Variants in CSMD3 observed in about 807,000 individuals in gnomAD.
The protein encoded by CSMD3 is CUB and sushi domain-containing protein 3.
In CSMD3, 177 loss-of-function variants were observed where a neutral mutation model predicts 435.2. The ratio of observed to expected loss-of-function variants is 0.41; its 90% CI spans 0.36 to 0.46. The LOEUF (loss-of-function observed/expected upper bound fraction) is 0.46. CSMD3 is among the 20% of genes least tolerant of loss of function. CSMD3 has a pLI of 0.34. For synonymous variants in CSMD3, 1,656 were observed against 1,520.5 expected (o/e 1.09, Z -2.07); for missense variants, 4,265 against 4,504.6 (o/e 0.95, Z 1.52).
chr8:112,342,721 T>C (rs2131000577), intron 41 of CSMD3, among the ~76,000 whole-genome samples: 1 of 151,998 alleles, frequency 6.6e-6, no homozygotes, highest in South Asian at 2.1e-4. Context: ...ATCATGTTAC[T>C]AAATGATTTT....
rs533024851 is a variant in CSMD3, at chr8:112,307,530, G to A, written c.7886-1338C>T. 2.6e-5 allele frequency among the ~76,000 whole-genome samples: 4 copies of A among 152,116 alleles called. 1 individual carries two copies. Among genetic ancestry groups the A allele is most frequent in the Admixed American group, 2.0e-4 (3 of 15,270 alleles). Reference sequence around the variant, plus strand: ...ACTCCTAGGCTCAAGCAGTCCAGTGGCCTCTACCTTCCAAAGTACTGGGAT... The same window carrying A: ...ACTCCTAGGCTCAAGCAGTCCAGTGACCTCTACCTTCCAAAGTACTGGGAT... On this transcript the variant is annotated intron_variant, in intron 50 of 70. Coordinates refer to ENST00000297405, the MANE Select transcript of CSMD3 (RefSeq NM_198123.2).
At chr8:112,624,740 G>A (rs745916696) in intron 22 of CSMD3, among the ~76,000 whole-genome samples, 2 of 151,958 alleles carry the variant, frequency 1.3e-5, no homozygotes, top group Non-Finnish European at 2.9e-5. Context: ...ACTCAATAGT[G>A]TTATTTCACT....
chr8:112,328,919 G>T (rs1586783764), intron 45 of CSMD3, among the ~76,000 whole-genome samples: 1 of 152,210 alleles, frequency 6.6e-6, no homozygotes, highest in African/African-American at 2.4e-5. Context: ...CAAGTCTTGG[G>T]CAGTTCTTTA....
intron 4 of CSMD3, among the ~76,000 whole-genome samples, chr8:113,129,844 G>A (rs1588126156): frequency 6.6e-6 from 1 of 151,976 alleles, no homozygotes; most frequent in East Asian, 1.9e-4. Context: ...CTGGAATCTG[G>A]TACCAGGCCA....
At chr8:112,237,490 A>G (rs889778444) in intron 66 of CSMD3, 142 bp from the exon 67 acceptor site, 6 of 688,058 alleles carry the variant, frequency 8.7e-6, no homozygotes, top group Non-Finnish European at 1.5e-5. Flanking sequence ...TTAATTCTTC[A>G]TATAAAAATG....
At chr8:113,281,278 C>A (rs2093611229) in intron 2 of CSMD3, among the ~76,000 whole-genome samples, 1 of 151,750 alleles carries the variant, frequency 6.6e-6, no homozygotes, top group South Asian at 2.1e-4. Flanking sequence ...TGAAGTCCCC[C>A]ACTATTATTT....
At chr8:113,350,043 G>C in intron 1 of CSMD3, among the ~76,000 whole-genome samples, 1 of 151,880 alleles carries the variant, frequency 6.6e-6, no homozygotes. Flanking sequence ...CTAACTACTT[G>C]GTACAGAAAG....
At chr8:113,434,117 C>G (rs1380850253) in intron 1 of CSMD3, among the ~76,000 whole-genome samples, 1 of 152,200 alleles carries the variant, frequency 6.6e-6, no homozygotes, top group Non-Finnish European at 1.5e-5. Flanking sequence ...TCCCACTAAG[C>G]CTCTTTGTCA....
In CSMD3 at chr8:112,734,808, T is replaced by C. The variant is rs567232504; in HGVS notation, c.1973-44758A>G. On this transcript the variant is annotated intron_variant, in intron 13 of 70. Coordinates refer to ENST00000297405, the MANE Select transcript of CSMD3 (RefSeq NM_198123.2). Reference sequence around the variant, plus strand: ...CTATATAAGAATAGGTGTCAAGTGATATGAAATTTCTGAAGATATATTTGC... The same window carrying C: ...CTATATAAGAATAGGTGTCAAGTGACATGAAATTTCTGAAGATATATTTGC... Among the ~76,000 whole-genome samples the C allele has an allele frequency of 1.1e-4, 16 of 152,150 alleles. No individual in the cohort carries two copies. In the South Asian group the frequency reaches 2.7e-3, roughly 26 times the overall value.
chr8:113,229,279 C>G (rs1024902745), intron 3 of CSMD3, among the ~76,000 whole-genome samples: 1 of 151,442 alleles, frequency 6.6e-6, no homozygotes. Context: ...TTGTTTATAA[C>G]GAACATTTTG....
At chr8:112,701,015 T>C (rs748633380) in intron 13 of CSMD3, among the ~76,000 whole-genome samples, 38 of 152,174 alleles carry the variant, frequency 2.5e-4, no homozygotes, top group Non-Finnish European at 4.0e-4. Flanking sequence ...CTCAGTAACA[T>C]ACCACCTTAT....
chr8:112,378,821 T>A (rs1415068339), intron 38 of CSMD3, among the ~76,000 whole-genome samples: 2 of 152,114 alleles, frequency 1.3e-5, no homozygotes, highest in Non-Finnish European at 2.9e-5. Flanking sequence ...CCAACATAAA[T>A]AAATGATAAA....
chr8:113,405,316 A>G (rs969491876), intron 1 of CSMD3, among the ~76,000 whole-genome samples: 14 of 151,664 alleles, frequency 9.2e-5, no homozygotes, highest in Admixed American at 7.9e-4. Flanking sequence ...CATCTCTGTC[A>G]TTTGAGAAGT....
At chr8:112,475,938 T>C (rs1818999577) in intron 31 of CSMD3, among the ~76,000 whole-genome samples, 1 of 152,212 alleles carries the variant, frequency 6.6e-6, no homozygotes, top group Non-Finnish European at 1.5e-5. Flanking sequence ...TTGGCTGTTG[T>C]TTCTCTTAAA....
chr8:112,535,360 A>T (rs1303522229), intron 27 of CSMD3, among the ~76,000 whole-genome samples: 6 of 152,196 alleles, frequency 3.9e-5, no homozygotes. Context: ...AATCACGAGC[A>T]TTCTTATACA....
intron 3 of CSMD3, among the ~76,000 whole-genome samples, chr8:113,235,188 A>G (rs149231900): frequency 1.5e-3 from 234 of 152,266 alleles, no homozygotes; most frequent in African/African-American, 5.5e-3. Context: ...AGTAATGTTT[A>G]GTAGAGATGC....
intron 5 of CSMD3, among the ~76,000 whole-genome samples, chr8:113,058,730 A>C (rs113361811): frequency 1.1e-4 from 16 of 152,136 alleles, no homozygotes; most frequent in African/African-American, 3.4e-4. Context: ...TCTAAAGAAG[A>C]AGCTTCCCTA....
intron 38 of CSMD3, among the ~76,000 whole-genome samples, chr8:112,380,143 C>CA (rs1015184478): frequency 6.6e-6 from 1 of 152,032 alleles, no homozygotes; most frequent in African/African-American, 2.4e-5. Flanking sequence ...TACTCAACAA[C>CA]AAAAAAACTT....
chr8:112,633,853 T>C (rs932299598), intron 22 of CSMD3, among the ~76,000 whole-genome samples: 2 of 152,178 alleles, frequency 1.3e-5, no homozygotes, highest in Admixed American at 6.6e-5. Context: ...TAAACGTTAA[T>C]ATTAGTTTCA....
Sources: allele counts gnomAD v4.1 joint callset (sites outside exome capture counted in the v4.1 genomes callset), GRCh38; gene constraint gnomAD v4.1.1; transcripts MANE v1.5; gene names NCBI Gene and HGNC (gene_info 2026-07-23, HGNC 2026-07-21).